The following ISCA1 variants were observed in gnomAD, a reference collection of about 807,000 sequenced individuals.
The protein encoded by ISCA1 is iron-sulfur cluster assembly 1.
In ISCA1, 9 loss-of-function variants were observed where a neutral mutation model predicts 14.7. The observed-to-expected ratio is 0.61, with a 90% confidence interval of 0.37 to 1.07. The LOEUF (loss-of-function observed/expected upper bound fraction) is 1.07, where lower values mean the gene tolerates loss of function less well. ISCA1 is among the 50% of genes least tolerant of loss of function. ISCA1 has a pLI of 0.01. For missense variants in ISCA1, 102 were observed against 150.1 expected, an observed-to-expected ratio of 0.68 and a Z score of 1.67; for synonymous variants, 38 against 54.3, an observed-to-expected ratio of 0.70 and a Z score of 1.32.
chr9:86,273,958 CAA>C (rs1825407048), intron 2 of ISCA1, among the ~76,000 whole-genome samples: 1 of 152,162 alleles, frequency 6.6e-6, no homozygotes, highest in Admixed American at 6.5e-5. Flanking sequence ...GGAAGGATAC[CAA>C]AGAGATTGCT....
At chr9:86,271,138 T>G (rs1263919718) in intron 3 of ISCA1, among the ~76,000 whole-genome samples, 1 of 152,108 alleles carries the variant, frequency 6.6e-6, no homozygotes, top group Admixed American at 6.5e-5. Flanking sequence ...TTTTCTTTGT[T>G]TAGGTACGTT....
intron 1 of ISCA1, among the ~76,000 whole-genome samples, chr9:86,281,776 G>A (rs1329165821): frequency 6.6e-6 from 1 of 152,250 alleles, no homozygotes; most frequent in Admixed American, 6.5e-5. Context: ...AAGAGCCTAG[G>A]CTTGCTAGAG....
At position 86,272,007 on chromosome 9, in the gene ISCA1, C is replaced by T; in HGVS notation, c.241G>A (p.Gly81Arg). 1 of 1,555,730 alleles carries T rather than the reference C, an allele frequency of 6.4e-7. No individual in the cohort carries two copies. The highest frequency in any genetic ancestry group is 8.9e-7 in the Non-Finnish European group (1 of 1,129,696). ...GDSDEEVIQD[G>R]VRVFIEKKAQ... ...CAAAAAATGTTTGTTAAAAACTCACCATCTTGAATAACTTCTTCATCAGAA... is the reference window on the plus strand; with the variant it reads ...CAAAAAATGTTTGTTAAAAACTCACTATCTTGAATAACTTCTTCATCAGAA... The change falls in exon 3 of 4, where the codon GGA (glycine) becomes AGA (arginine). Residue 81 changes from glycine (G) to arginine (R), a missense_variant and splice_region_variant. Coordinates refer to ENST00000375991, the MANE Select transcript of ISCA1 (RefSeq NM_030940.4).
chr9:86,273,992 C>T (rs908765793), intron 2 of ISCA1, among the ~76,000 whole-genome samples, 197 bp downstream of exon 2: 7 of 152,166 alleles, frequency 4.6e-5, no homozygotes, highest in African/African-American at 7.2e-5. Context: ...AGAATGACGA[C>T]GAAGAGTCAG....
chr9:86,282,148 G>A lies in ISCA1; in HGVS notation c.81+230C>T. ...CACGCGGTTGCCGCGCGGCCTGACGGGAAACGTAGTTTCCGGGGCCAAGAG... is the reference window on the plus strand; with the variant it reads ...CACGCGGTTGCCGCGCGGCCTGACGAGAAACGTAGTTTCCGGGGCCAAGAG... On this transcript the variant is annotated intron_variant, in intron 1 of 3. Transcript: ENST00000375991. 7.2e-6 allele frequency: 4 copies of A among 557,920 alleles called. No homozygotes were observed. In the Middle Eastern group the frequency reaches 1.5e-3, roughly 202 times the overall value. The allele number at this position is 557,920 out of a possible 1,614,324, so 34.6% of individuals were successfully genotyped here. A position where few individuals can be genotyped will look rare whatever the true frequency, so the allele number is the denominator to read the frequency against.
At chr9:86,271,410 T>C (rs1329825210) in intron 3 of ISCA1, among the ~76,000 whole-genome samples, 1 of 152,218 alleles carries the variant, frequency 6.6e-6, no homozygotes, top group African/African-American at 2.4e-5. Flanking sequence ...TGTTAAGTGA[T>C]GTATGACTGT....
intron 1 of ISCA1, among the ~76,000 whole-genome samples, chr9:86,278,884 A>G (rs752685298): frequency 2.6e-5 from 4 of 152,218 alleles, no homozygotes; most frequent in Non-Finnish European, 4.4e-5. Context: ...TTTGCACAGC[A>G]TAAGTCAAAG....
At chr9:86,275,473 G>A (rs1361281266) in intron 1 of ISCA1, among the ~76,000 whole-genome samples, 2 of 152,164 alleles carry the variant, frequency 1.3e-5, no homozygotes, top group South Asian at 4.1e-4. Context: ...CTGCCCTGTC[G>A]GGGTTGGGGC....
chr9:86,266,201 A>G lies in ISCA1; in HGVS notation c.242-10T>C, dbSNP rs1356823122. The G allele has an allele frequency of 6.3e-7, 1 of 1,597,298 alleles. No homozygotes were observed. Among genetic ancestry groups the G allele is most frequent in the South Asian group, 1.1e-5 (1 of 87,552 alleles). On this transcript the variant is annotated splice_polypyrimidine_tract_variant and intron_variant, in intron 3 of 3. Transcript: ENST00000375991. ...ATGAATACTCTGACTCCTTGGAGAA[A>G]AGAAAACATGTGTCATGGAAAGCCT...
chr9:86,279,422 T>TC (rs1825481990), intron 1 of ISCA1, among the ~76,000 whole-genome samples: 1 of 152,254 alleles, frequency 6.6e-6, no homozygotes, highest in African/African-American at 2.4e-5. Flanking sequence ...ATTCCACTTG[T>TC]CAATTTCTAG....
chr9:86,270,250 AAAAC>A (rs912715591), intron 3 of ISCA1, among the ~76,000 whole-genome samples: 3 of 146,622 alleles, frequency 2.0e-5, no homozygotes, highest in Non-Finnish European at 4.5e-5. Context: ...TTACAAGAAA[AAAAC>A]AAACAACCCC....
At chr9:86,275,548 G>T (rs1825430821) in intron 1 of ISCA1, among the ~76,000 whole-genome samples, 1 of 152,300 alleles carries the variant, frequency 6.6e-6, no homozygotes, top group African/African-American at 2.4e-5. Context: ...AAGCAATTTG[G>T]AATGTGAAGA....
chr9:86,277,737 G>C (rs191859763), intron 1 of ISCA1, among the ~76,000 whole-genome samples: 1 of 152,148 alleles, frequency 6.6e-6, no homozygotes, highest in African/African-American at 2.4e-5. Flanking sequence ...TAGCTTACCT[G>C]AGATTTGGCC....
chr9:86,269,760 C>G (rs534976712), intron 3 of ISCA1, among the ~76,000 whole-genome samples: 1 of 151,132 alleles, frequency 6.6e-6, no homozygotes, highest in Non-Finnish European at 1.5e-5. Context: ...ATCAATGGAA[C>G]AGAACAGAGC....
intron 1 of ISCA1, among the ~76,000 whole-genome samples, chr9:86,277,655 A>T (rs1182998997): frequency 6.6e-6 from 1 of 152,208 alleles, no homozygotes; most frequent in African/African-American, 2.4e-5. Context: ...GCAGCCTGCC[A>T]GTACCAGTGC....
chr9:86,266,318 A>C, intron 3 of ISCA1, 127 bp from the exon 4 acceptor site: 1 of 1,391,664 alleles, frequency 7.2e-7, no homozygotes, highest in South Asian at 1.6e-5. Context: ...GAACATTTTA[A>C]ATTATTTCCT....
intron 1 of ISCA1, among the ~76,000 whole-genome samples, chr9:86,275,327 C>T (rs1460589024): frequency 6.6e-6 from 1 of 152,198 alleles, no homozygotes; most frequent in Non-Finnish European, 1.5e-5. Context: ...TGACATTTTA[C>T]TGTACAGTAA....
At position 86,274,172 on chromosome 9, in the gene ISCA1, T is replaced by C. The variant is rs201974006; in HGVS notation, c.135+17A>G. ...CAGCTTCAGTTTTTTACTGAATAAT[T>C]AACTGGTTTTACTTACATGCTCAGG... On this transcript the variant is annotated intron_variant, in intron 2 of 3. Coordinates refer to ENST00000375991, the MANE Select transcript of ISCA1 (RefSeq NM_030940.4). 1 of 1,413,194 alleles carries C rather than the reference T, an allele frequency of 7.1e-7. No individual in the cohort carries two copies. The highest frequency in any genetic ancestry group is 1.0e-6 in the Non-Finnish European group (1 of 999,222). 87.5% of individuals were successfully genotyped at this position (1,413,194 alleles called of 1,614,324 possible). A position where few individuals can be genotyped will look rare whatever the true frequency, so the allele number is the denominator to read the frequency against.
At chr9:86,273,857 T>C (rs1031547075) in intron 2 of ISCA1, among the ~76,000 whole-genome samples, 2 of 152,176 alleles carry the variant, frequency 1.3e-5, no homozygotes, top group Non-Finnish European at 2.9e-5. Context: ...CCACAGATGC[T>C]GTCAAACATT....
Sources: gnomAD v4.1 joint callset for allele counts (sites outside exome capture counted in the v4.1 genomes callset) on GRCh38, gnomAD v4.1.1 for gene constraint, MANE v1.5 for transcripts, NCBI Gene and HGNC (gene_info 2026-07-23, HGNC 2026-07-21) for gene names.